Variants in DEXI observed in about 807,000 individuals in gnomAD.
DEXI encodes dexamethasone-induced protein.
Under a neutral mutation model 2.5 loss-of-function variants are expected in DEXI, and 2 were observed. The observed-to-expected ratio is 0.81, with a 90% CI of 0.33 to 2.55. The LOEUF is 2.55. Ranked by LOEUF, DEXI falls within the 30% of genes most tolerant of loss-of-function variation. DEXI has a pLI of 0.11. For missense variants in DEXI, 108 were observed against 130.3 expected (o/e 0.83, Z 0.83); for synonymous variants, 71 against 68.7 (o/e 1.03, Z -0.17).
chr16:10,941,570 G>T lies in DEXI; in HGVS notation c.*148C>A, dbSNP rs2041103209. 6.9e-7 allele frequency: 1 copy of T among 1,451,622 alleles called. No individual in the cohort carries two copies. The highest frequency in any genetic ancestry group is 2.5e-5 in the East Asian group (1 of 40,274). 89.9% of individuals were successfully genotyped at this position (1,451,622 alleles called of 1,614,324 possible). The stretch of plus-strand genomic sequence containing the variant: ...ATCCTGTTCAGAGAGGGCACTTACA[G>T]GCCTCGGAGGCAGGGGAGGGTCTCC... On this transcript the variant is annotated splice_region_variant and 3_prime_UTR_variant, in exon 1 of 2. Transcript: ENST00000331808. This position sits in a 1 kb window ranked among gnomAD's most constrained non-coding sequence, Gnocchi z 6.4.
At position 10,929,576 on chromosome 16, in the gene DEXI, A is replaced by G. The variant is rs551087602; in HGVS notation, c.*150-17T>C. Reference sequence around the variant, plus strand: ...GGAGCAGGTCTAACAAGAAGGAAAAAGGGGGGTTATTAGCACGGAAGCCCC... The same window carrying G: ...GGAGCAGGTCTAACAAGAAGGAAAAGGGGGGGTTATTAGCACGGAAGCCCC... On this transcript the variant is annotated splice_polypyrimidine_tract_variant and intron_variant, in intron 1 of 1. Coordinates refer to ENST00000331808, the MANE Select transcript of DEXI (RefSeq NM_014015.4). The surrounding 1 kb of genome is among the most constrained non-coding windows in gnomAD (Gnocchi z 4.3). 18 of 985,252 alleles carry G rather than the reference A, an allele frequency of 1.8e-5. No individual in the cohort carries two copies. In the East Asian group the frequency reaches 1.3e-3, roughly 68 times the overall value. 61.0% of individuals were successfully genotyped at this position (985,252 alleles called of 1,614,324 possible).
chr16:10,931,395 C>A (rs1312922420), intron 1 of DEXI: 1 of 152,264 alleles, frequency 6.6e-6, no homozygotes, highest in Non-Finnish European at 1.5e-5. Context: ...CAGTCCCAGC[C>A]AGGCGCTAGT....
At position 10,938,897 on chromosome 16, in the gene DEXI, C is replaced by T. The variant is rs1039968673; in HGVS notation, c.*149+2672G>A. 7.2e-5 allele frequency: 11 copies of T among 152,160 alleles called. No homozygotes were observed. The highest frequency in any genetic ancestry group is 2.7e-4 in the African/African-American group (11 of 41,420). The allele number at this position is 152,160 out of a possible 1,614,324, so 9.4% of individuals were successfully genotyped here. ...GATTCAGTTTTTAGTTCAGAATATG[C>T]CAATGTTTTCATTTGGAAGGGGAAG... On this transcript the variant is annotated intron_variant, in intron 1 of 1. Transcript: ENST00000331808. The surrounding 1 kb of genome is among the most constrained non-coding windows in gnomAD (Gnocchi z 4.9).
At position 10,942,297 on chromosome 16, in the gene DEXI, C is replaced by CA; in HGVS notation, c.-293_-292insT. ...CGGCTCCCTCGTGGCGCCTCCCTGG[C>CA]GCTCGCAGGGCCTCGCAGAGCCGGT... On this transcript the variant is annotated 5_prime_UTR_variant, in exon 1 of 2. Coordinates refer to ENST00000331808, the MANE Select transcript of DEXI (RefSeq NM_014015.4). This position sits in a 1 kb window ranked among gnomAD's most constrained non-coding sequence, Gnocchi z 5.0. 3.3e-6 allele frequency: 1 copy of CA among 305,600 alleles called. No individual in the cohort carries two copies. The allele number at this position is 305,600 out of a possible 1,614,324, so 18.9% of individuals were successfully genotyped here.
In DEXI at chr16:10,939,551, C is replaced by T. The variant is rs1221297066; in HGVS notation, c.*149+2018G>A. ...CCTGAAGGTCTTGGCACCACTGATT[C>T]CCTCAGCCTGGACTGCTTTTCTCCA... On this transcript the variant is annotated intron_variant, in intron 1 of 1. Coordinates refer to ENST00000331808, the MANE Select transcript of DEXI (RefSeq NM_014015.4). This position sits in a 1 kb window ranked among gnomAD's most constrained non-coding sequence, Gnocchi z 4.9. 2 of 152,266 alleles carry T rather than the reference C, an allele frequency of 1.3e-5. No individual in the cohort carries two copies. The highest frequency in any genetic ancestry group is 2.4e-5 in the African/African-American group (1 of 41,456). The allele number at this position is 152,266 out of a possible 1,614,324, so 9.4% of individuals were successfully genotyped here. A position where few individuals can be genotyped will look rare whatever the true frequency, so the allele number is the denominator to read the frequency against.
At position 10,941,590 on chromosome 16, in the gene DEXI, G is replaced by C; in HGVS notation, c.*128C>G. 2 of 1,470,664 alleles carry C rather than the reference G, an allele frequency of 1.4e-6. No homozygotes were observed. Among genetic ancestry groups the C allele is most frequent in the Non-Finnish European group, 1.8e-6 (2 of 1,111,278 alleles). 91.1% of individuals were successfully genotyped at this position (1,470,664 alleles called of 1,614,324 possible). On this transcript the variant is annotated 3_prime_UTR_variant, in exon 1 of 2. Transcript: ENST00000331808. This position sits in a 1 kb window ranked among gnomAD's most constrained non-coding sequence, Gnocchi z 6.4. ...TTACAGGCCTCGGAGGCAGGGGAGG[G>C]TCTCCTCCTGGGGAACCATCCCCGT...
Position 10,941,752 on chromosome 16 carries a change from G to C in DEXI, c.254C>G (p.Ser85Trp), listed in dbSNP as rs978451134. 7 of 1,612,278 alleles carry C rather than the reference G, an allele frequency of 4.3e-6. No individual in the cohort carries two copies. The African/African-American group carries it at 8.0e-5, about 18-fold the overall frequency. The change falls in exon 1 of 2, where the codon TCG (serine) becomes TGG (tryptophan). Residue 85 changes from serine to tryptophan, a missense_variant. Ser to Trp is a radical substitution (Grantham distance 177). Transcript: ENST00000331808. This position sits in a 1 kb window ranked among gnomAD's most constrained non-coding sequence, Gnocchi z 6.4. ...DPGSGLYDAD[S>W]ELDVFDAYLE Reference sequence around the variant, plus strand: ...GTACGCATCAAAGACGTCGAGCTCCGAGTCAGCATCGTAAAGGCCCGAGCC... The same window carrying C: ...GTACGCATCAAAGACGTCGAGCTCCCAGTCAGCATCGTAAAGGCCCGAGCC...
Position 10,941,737 on chromosome 16 carries a change from A to G in DEXI, c.269T>C (p.Phe90Ser). 6.2e-7 allele frequency: 1 copy of G among 1,611,294 alleles called. No homozygotes were observed. The stretch of plus-strand genomic sequence containing the variant: ...GAGACCCTACTCCAAGTACGCATCA[A>G]AGACGTCGAGCTCCGAGTCAGCATC... ...LYDADSELDV[F>S]DAYLE The change falls in exon 1 of 2, where the codon TTT becomes TCT. Residue 90 changes from phenylalanine to serine, a missense_variant. By Grantham distance (155) the Phe-to-Ser change is radical. Transcript: ENST00000331808. This position sits in a 1 kb window ranked among gnomAD's most constrained non-coding sequence, Gnocchi z 6.4.
intron 1 of DEXI, chr16:10,932,315 T>G (rs1439783863): frequency 2.0e-5 from 3 of 152,254 alleles, no homozygotes; most frequent in African/African-American, 7.2e-5. Context: ...TGTGTTCACC[T>G]TGTACTACTC....
At chr16:10,931,306 C>CA (rs1439925114) in intron 1 of DEXI, 8 of 152,286 alleles carry the variant, frequency 5.3e-5, no homozygotes, top group Non-Finnish European at 8.8e-5. Context: ...GACCCTGTCT[C>CA]AAAAAAAAGA....
chr16:10,929,518 A>C lies in DEXI; in HGVS notation c.*191T>G. On this transcript the variant is annotated 3_prime_UTR_variant, in exon 2 of 2. Coordinates refer to ENST00000331808, the MANE Select transcript of DEXI (RefSeq NM_014015.4). The surrounding 1 kb of genome is among the most constrained non-coding windows in gnomAD (Gnocchi z 4.3). Reference sequence around the variant, plus strand: ...CTCTTCCACTCTCCTGGGTTCAAACAGGAACCTCTCTGTTGGCACGAAGCT... The same window carrying C: ...CTCTTCCACTCTCCTGGGTTCAAACCGGAACCTCTCTGTTGGCACGAAGCT... The C allele has an allele frequency of 1.0e-6, 1 of 985,628 alleles. No individual in the cohort carries two copies. Among genetic ancestry groups the C allele is most frequent in the Non-Finnish European group, 1.2e-6 (1 of 829,962 alleles). 61.1% of individuals were successfully genotyped at this position (985,628 alleles called of 1,614,324 possible). A position where few individuals can be genotyped will look rare whatever the true frequency, so the allele number is the denominator to read the frequency against.
At chr16:10,931,023 G>A (rs2040764814) in intron 1 of DEXI, 1 of 152,380 alleles carries the variant, frequency 6.6e-6, no homozygotes, top group East Asian at 1.9e-4. Flanking sequence ...TGTGGATAGG[G>A]TGTTAGAGAA....
intron 1 of DEXI, chr16:10,936,156 AT>A (rs547114135): frequency 5.3e-4 from 79 of 148,922 alleles, no homozygotes; most frequent in Admixed American, 8.0e-4. Flanking sequence ...ACACCTCGCT[AT>A]TTTTTTTTTC....
rs1489689438 is a variant in DEXI, at chr16:10,941,976, C to T, written c.30G>A (p.Leu10=). 6.6e-7 allele frequency: 1 copy of T among 1,521,834 alleles called. No individual in the cohort carries two copies. The highest frequency in any genetic ancestry group is 2.1e-5 in the Admixed American group (1 of 47,138). 94.3% of individuals were successfully genotyped at this position (1,521,834 alleles called of 1,614,324 possible). A position where few individuals can be genotyped will look rare whatever the true frequency, so the allele number is the denominator to read the frequency against. MLGARVAAH[L]DALGPLVPYV... ...AGGGGACCAGGGGGCCCAGTGCGTC[C>T]AGGTGGGCCGCGACCCGGGCGCCGA... Residue 10 remains leucine (L), a synonymous_variant, in exon 1 of 2, where the codon CTG becomes CTA. Coordinates refer to ENST00000331808, the MANE Select transcript of DEXI (RefSeq NM_014015.4). This position sits in a 1 kb window ranked among gnomAD's most constrained non-coding sequence, Gnocchi z 6.4.
rs191984268 is a variant in DEXI, at chr16:10,929,936, C to G, written c.*150-377G>C. On this transcript the variant is annotated intron_variant, in intron 1 of 1. Transcript: ENST00000331808. The surrounding 1 kb of genome is among the most constrained non-coding windows in gnomAD (Gnocchi z 4.3). ...TGCAGCTCTGGGCCAGCTGAGCCAGCGCTGGGTAGTGGGCAGGGCTTGGCA... is the reference window on the plus strand; with the variant it reads ...TGCAGCTCTGGGCCAGCTGAGCCAGGGCTGGGTAGTGGGCAGGGCTTGGCA... 5 of 152,256 alleles carry G rather than the reference C, an allele frequency of 3.3e-5. No individual in the cohort carries two copies. The highest frequency in any genetic ancestry group is 4.8e-5 in the African/African-American group (2 of 41,416). The allele number at this position is 152,256 out of a possible 1,614,324, so 9.4% of individuals were successfully genotyped here.
chr16:10,934,792 GC>G lies in DEXI; in HGVS notation c.*150-5234del, dbSNP rs2040957276. 3 of 152,136 alleles carry G rather than the reference GC, an allele frequency of 2.0e-5. No homozygotes were observed. Among genetic ancestry groups the G allele is most frequent in the African/African-American group, 7.2e-5 (3 of 41,420 alleles). The allele number at this position is 152,136 out of a possible 1,614,324, so 9.4% of individuals were successfully genotyped here. A position where few individuals can be genotyped will look rare whatever the true frequency, so the allele number is the denominator to read the frequency against. On this transcript the variant is annotated intron_variant, in intron 1 of 1. Transcript: ENST00000331808. The surrounding 1 kb of genome is among the most constrained non-coding windows in gnomAD (Gnocchi z 4.2). ...AGCCTTACCCTTGAGGGAGTTCCCC[GC>G]CACTCCAAGCTTGGGGCCTGGGATG... is the stretch of plus-strand genomic sequence containing the variant.
At chr16:10,930,496 T>C (rs2040738411) in intron 1 of DEXI, 2 of 152,164 alleles carry the variant, frequency 1.3e-5, no homozygotes, top group African/African-American at 2.4e-5. Context: ...ACTGTTTCCA[T>C]TGAGACCCAT....
Position 10,939,460 on chromosome 16 carries a change from T to A in DEXI, c.*149+2109A>T, listed in dbSNP as rs2041072142. 1 of 152,334 alleles carries A rather than the reference T, an allele frequency of 6.6e-6. No homozygotes were observed. The highest frequency in any genetic ancestry group is 1.5e-5 in the Non-Finnish European group (1 of 68,146). 9.4% of individuals were successfully genotyped at this position (152,334 alleles called of 1,614,324 possible). On this transcript the variant is annotated intron_variant, in intron 1 of 1. Coordinates refer to ENST00000331808, the MANE Select transcript of DEXI (RefSeq NM_014015.4). The surrounding 1 kb of genome is among the most constrained non-coding windows in gnomAD (Gnocchi z 4.9). ...ATGGCTCCCACCCACCTCACTGACC[T>A]TTCCTGGGGCTGTTCTCCAGCCACA...
chr16:10,937,141 A>C lies in DEXI; in HGVS notation c.*149+4428T>G, dbSNP rs1374746581. The C allele has an allele frequency of 2.6e-5, 4 of 152,320 alleles. No individual in the cohort carries two copies. The highest frequency in any genetic ancestry group is 4.4e-5 in the Non-Finnish European group (3 of 68,134). 9.4% of individuals were successfully genotyped at this position (152,320 alleles called of 1,614,324 possible). On this transcript the variant is annotated intron_variant, in intron 1 of 1. Transcript: ENST00000331808. The surrounding 1 kb of genome is among the most constrained non-coding windows in gnomAD (Gnocchi z 4.2). ...CCTGTCTGAAGACGCAGCTGGCACCAATGTACCCTATGGCCAAGGACCTTC... is the reference window on the plus strand; with the variant it reads ...CCTGTCTGAAGACGCAGCTGGCACCCATGTACCCTATGGCCAAGGACCTTC...
Sources: gnomAD v4.1 joint callset for allele counts on GRCh38, gnomAD v4.1.1 for gene constraint, Gnocchi (gnomAD v3.1) non-coding constraint, MANE v1.5 for transcripts, NCBI Gene and HGNC (gene_info 2026-07-23, HGNC 2026-07-21) for gene names.